Variants in ASIC2 observed in about 807,000 individuals in gnomAD.
The protein encoded by ASIC2 is acid sensing ion channel subunit 2.
ASIC2 carries 25 observed loss-of-function variants against 57.3 expected under a neutral mutation model. The observed-to-expected ratio is 0.44, with a 90% CI of 0.32 to 0.61. The LOEUF (loss-of-function observed/expected upper bound fraction) is 0.61, where lower values mean the gene tolerates loss of function less well. Ranked by LOEUF, ASIC2 falls within the 20% of genes least tolerant of loss-of-function variation. The pLI, the probability that ASIC2 is intolerant of heterozygous loss-of-function variation, is 0.06. For missense variants in ASIC2, 641 were observed against 738.1 expected (o/e 0.87, Z 1.52); for synonymous variants, 319 against 307.5 (o/e 1.04, Z -0.39).
intron 1 of ASIC2, among the ~76,000 whole-genome samples, chr17:33,585,671 G>T (rs1433725791): frequency 6.6e-6 from 1 of 152,170 alleles, no homozygotes; most frequent in Non-Finnish European, 1.5e-5. Flanking sequence ...ATATAAATAA[G>T]ACAGAAGGAA....
intron 1 of ASIC2, among the ~76,000 whole-genome samples, chr17:33,656,552 C>A (rs3103665): frequency 3.2e-3 from 491 of 152,296 alleles, no homozygotes; most frequent in South Asian, 7.7e-3. Context: ...TCCAAACCTG[C>A]CTGAAAACCT....
intron 1 of ASIC2, among the ~76,000 whole-genome samples, chr17:33,175,729 C>T (rs1043630584): frequency 7.9e-5 from 12 of 152,126 alleles, no homozygotes; most frequent in Admixed American, 1.3e-4. Flanking sequence ...CACTCCTCTC[C>T]CTCCTTGCTT....
intron 1 of ASIC2, among the ~76,000 whole-genome samples, chr17:33,385,469 T>G (rs71377483): frequency 1.3e-5 from 2 of 152,218 alleles, no homozygotes; most frequent in East Asian, 3.8e-4. Context: ...CTGACTCAGA[T>G]TTTTCTTATT....
At chr17:33,771,635 C>T (rs866739608) in intron 1 of ASIC2, among the ~76,000 whole-genome samples, 235 of 152,142 alleles carry the variant, frequency 1.5e-3, no homozygotes, top group African/African-American at 5.3e-3. Context: ...AGGGCCTTTT[C>T]CCTGTCTCAC....
chr17:33,484,584 C>T (rs1157408730), intron 1 of ASIC2, among the ~76,000 whole-genome samples: 5 of 152,334 alleles, frequency 3.3e-5, no homozygotes, highest in African/African-American at 1.2e-4. Context: ...AGATATTGTA[C>T]ATTTTTCTGG....
At chr17:33,914,144 A>G (rs1019201517) in intron 1 of ASIC2, among the ~76,000 whole-genome samples, 1 of 152,208 alleles carries the variant, frequency 6.6e-6, no homozygotes, top group Non-Finnish European at 1.5e-5. Flanking sequence ...AAGAAAACAC[A>G]ACTGGTTGCT....
intron 1 of ASIC2, among the ~76,000 whole-genome samples, chr17:33,212,572 G>A (rs1398214959): frequency 1.3e-5 from 2 of 152,162 alleles, no homozygotes; most frequent in African/African-American, 4.8e-5. Context: ...CGTGACAGCA[G>A]CAATAGGAAA....
chr17:33,750,927 C>A (rs1910411163), intron 1 of ASIC2, among the ~76,000 whole-genome samples: 1 of 152,126 alleles, frequency 6.6e-6, no homozygotes, highest in African/African-American at 2.4e-5. Flanking sequence ...CCAGGCAAGA[C>A]TCAGGGAAAT....
chr17:33,700,509 G>A (rs1044171508), intron 1 of ASIC2, among the ~76,000 whole-genome samples: 21 of 152,120 alleles, frequency 1.4e-4, no homozygotes, highest in Non-Finnish European at 2.8e-4. Context: ...CAGCATCCAT[G>A]GAAAGACAAG....
chr17:33,266,434 A>G (rs1168696931), intron 1 of ASIC2, among the ~76,000 whole-genome samples: 1 of 152,212 alleles, frequency 6.6e-6, no homozygotes, highest in Non-Finnish European at 1.5e-5. Flanking sequence ...ACAGATTCCC[A>G]GTTTTTCATT....
intron 1 of ASIC2, among the ~76,000 whole-genome samples, chr17:33,801,543 C>T (rs569308551): frequency 2.3e-4 from 35 of 152,134 alleles, no homozygotes; most frequent in African/African-American, 7.5e-4. Context: ...GGGTGAGTTA[C>T]CATCTTTAAG....
chr17:33,811,402 G>A (rs973202278), intron 1 of ASIC2, among the ~76,000 whole-genome samples: 4 of 152,194 alleles, frequency 2.6e-5, no homozygotes, highest in South Asian at 2.1e-4. Flanking sequence ...AAGGATTCAC[G>A]CTCATATCCC....
intron 2 of ASIC2, among the ~76,000 whole-genome samples, chr17:33,107,381 TGAA>T (rs2092239160): frequency 1.3e-5 from 2 of 152,222 alleles, no homozygotes; most frequent in African/African-American, 4.8e-5. Context: ...ATTCCTGCAA[TGAA>T]TAAATGTGTT....
chr17:33,716,122 G>A (rs1033130742), intron 1 of ASIC2, among the ~76,000 whole-genome samples: 4 of 152,090 alleles, frequency 2.6e-5, no homozygotes, highest in South Asian at 2.1e-4. Context: ...CACAGTCCAG[G>A]AATCCAAGCC....
At chr17:33,767,613 T>C (rs983461297) in intron 1 of ASIC2, among the ~76,000 whole-genome samples, 12 of 152,238 alleles carry the variant, frequency 7.9e-5, no homozygotes, top group Non-Finnish European at 1.6e-4. Flanking sequence ...TCTCATAAAA[T>C]TTAAGTTAAA....
At chr17:33,569,248 T>C (rs909923353) in intron 1 of ASIC2, 2 of 152,234 alleles carry the variant, frequency 1.3e-5, no homozygotes, top group African/African-American at 4.8e-5. Flanking sequence ...GCCCTGGAGG[T>C]GGGGCCTGCA....
chr17:33,505,983 TA>T (rs1178149533), intron 1 of ASIC2, among the ~76,000 whole-genome samples: 1 of 152,180 alleles, frequency 6.6e-6, no homozygotes, highest in Admixed American at 6.5e-5. Context: ...TCTCTGCATA[TA>T]ATATGTGATC....
At chr17:33,527,660 C>T (rs971048276) in intron 1 of ASIC2, among the ~76,000 whole-genome samples, 2 of 152,172 alleles carry the variant, frequency 1.3e-5, no homozygotes, top group African/African-American at 4.8e-5. Flanking sequence ...AGAGAACCCC[C>T]TGACACATGC....
intron 1 of ASIC2, among the ~76,000 whole-genome samples, chr17:33,341,707 G>A (rs1052547480): frequency 6.6e-6 from 1 of 152,180 alleles, no homozygotes; most frequent in African/African-American, 2.4e-5. Context: ...AGCCCAGAGT[G>A]GTTAGAGTTT....
Sources: gnomAD v4.1 joint callset for allele counts (sites outside exome capture counted in the v4.1 genomes callset) on GRCh38, gnomAD v4.1.1 for gene constraint, MANE v1.5 for transcripts, NCBI Gene and HGNC (gene_info 2026-07-23, HGNC 2026-07-21) for gene names.